Variants in AOPEP observed in about 807,000 individuals in gnomAD.
AOPEP encodes the protein aminopeptidase O (putative), also known as aminopeptidase O.
AOPEP carries 77 observed loss-of-function variants against 98.1 expected under a neutral mutation model. That is an observed-to-expected ratio of 0.78 (90% CI 0.65 to 0.95). AOPEP has a LOEUF of 0.95. Among genes scored for constraint, AOPEP ranks in the 40% least tolerant of loss-of-function variants. The probability of loss-of-function intolerance (pLI) is 0.00; values close to 1 mark genes in which losing one functional copy is unlikely to be tolerated. For missense variants in AOPEP, 1,024 were observed against 1,024.7 expected (o/e 1.00, Z 0.01); for synonymous variants, 346 against 365.3 (o/e 0.95, Z 0.60).
chr9:95,026,417 T>C (rs551255677), intron 13 of AOPEP, among the ~76,000 whole-genome samples: 96 of 152,370 alleles, frequency 6.3e-4, no homozygotes, highest in African/African-American at 2.2e-3. Context: ...ATTTGCAGTT[T>C]CTGGACATTT....
intron 1 of AOPEP, among the ~76,000 whole-genome samples, chr9:94,742,885 G>A (rs777023718): frequency 2.0e-5 from 3 of 151,940 alleles, no homozygotes; most frequent in East Asian, 1.9e-4. Context: ...AAAAATAACC[G>A]CAGATTGTTG....
chr9:95,012,987 T>TTGGG (rs763512878), intron 13 of AOPEP, among the ~76,000 whole-genome samples: 1 of 62,688 alleles, frequency 1.6e-5, no homozygotes, highest in Non-Finnish European at 3.1e-5. Context: ...GTTTTTTTTT[T>TTGGG]GGGGGGGGGG....
chr9:94,818,058 C>T (rs1852092415), intron 5 of AOPEP, among the ~76,000 whole-genome samples: 1 of 152,120 alleles, frequency 6.6e-6, no homozygotes, highest in East Asian at 1.9e-4. Flanking sequence ...GACCTGCCAC[C>T]TCTGCTTGTC....
the AOPEP span, chr9:95,114,515 G>T: frequency 2.1e-6 from 2 of 938,274 alleles, no homozygotes; most frequent in Non-Finnish European, 3.5e-6. Flanking sequence ...TCACCTGTTT[G>T]GTGATGGTCC....
intron 5 of AOPEP, among the ~76,000 whole-genome samples, chr9:94,922,013 C>G (rs1036371556): frequency 9.2e-5 from 14 of 151,934 alleles, no homozygotes; most frequent in Admixed American, 6.6e-5. Context: ...GGACTGAGGC[C>G]GGGGTCGTGT....
At chr9:94,893,029 G>A (rs550567260) in intron 5 of AOPEP, among the ~76,000 whole-genome samples, 2 of 152,258 alleles carry the variant, frequency 1.3e-5, no homozygotes, top group African/African-American at 4.8e-5. Flanking sequence ...GCCTCTCTCT[G>A]CTTTGTATAA....
intron 5 of AOPEP, among the ~76,000 whole-genome samples, chr9:94,843,664 A>T (rs1398842046): frequency 6.6e-6 from 1 of 152,198 alleles, no homozygotes; most frequent in Non-Finnish European, 1.5e-5. Context: ...AGTGGATATT[A>T]AACTCATTCC....
chr9:95,150,127 C>G, the AOPEP span: 10 of 1,609,234 alleles, frequency 6.2e-6, no homozygotes, highest in African/African-American at 1.2e-4. Context: ...AATCTAAGAG[C>G]CATGCATAAT....
At chr9:95,053,709 TG>T (rs1274106609) in intron 13 of AOPEP, among the ~76,000 whole-genome samples, 6 of 9,656 alleles carry the variant, frequency 6.2e-4, no homozygotes, top group Non-Finnish European at 4.7e-3. Flanking sequence ...AATTCATTTT[TG>T]TTGTTGTTGT....
intron 11 of AOPEP, among the ~76,000 whole-genome samples, chr9:94,999,513 ACTAT>A (rs1564502047): frequency 6.6e-6 from 1 of 152,202 alleles, no homozygotes; most frequent in Non-Finnish European, 1.5e-5. Context: ...ACAGAAAATT[ACTAT>A]CTAATGGAAT....
At chr9:95,102,844 T>C in the AOPEP span, among the ~76,000 whole-genome samples, 8 of 152,158 alleles carry the variant, frequency 5.3e-5, no homozygotes, top group East Asian at 1.4e-3. Context: ...AACGACGTGG[T>C]GTGGACCATG....
chr9:94,882,867 G>A (rs1157765653), intron 5 of AOPEP, among the ~76,000 whole-genome samples: 2 of 152,124 alleles, frequency 1.3e-5, no homozygotes, highest in Admixed American at 6.6e-5. Flanking sequence ...AGGTTAACCC[G>A]TTTTTCCAAA....
chr9:95,006,509 G>T (rs1167669043), intron 13 of AOPEP, among the ~76,000 whole-genome samples: 1 of 152,158 alleles, frequency 6.6e-6, no homozygotes, highest in Non-Finnish European at 1.5e-5. Flanking sequence ...TGTGCACAAA[G>T]CACATCAGAA....
At chr9:95,045,105 C>T (rs1292747418) in intron 13 of AOPEP, among the ~76,000 whole-genome samples, 2 of 152,230 alleles carry the variant, frequency 1.3e-5, no homozygotes, top group East Asian at 1.9e-4. Flanking sequence ...AGCGCTTGTG[C>T]CCAAGGTCAC....
chr9:94,901,918 G>T (rs955831779), intron 5 of AOPEP, among the ~76,000 whole-genome samples: 1 of 151,924 alleles, frequency 6.6e-6, no homozygotes, highest in Admixed American at 6.6e-5. Flanking sequence ...CAAAAAAAAA[G>T]AAAAGAAAAG....
At chr9:94,810,916 AT>A (rs1850432044) in intron 5 of AOPEP, among the ~76,000 whole-genome samples, 4 of 151,990 alleles carry the variant, frequency 2.6e-5, no homozygotes, top group African/African-American at 4.8e-5. Flanking sequence ...GAAAAGCATC[AT>A]TTTCAAATAC....
intron 5 of AOPEP, among the ~76,000 whole-genome samples, chr9:94,867,270 G>A (rs897651708): frequency 2.0e-5 from 3 of 152,160 alleles, no homozygotes; most frequent in Admixed American, 2.0e-4. Flanking sequence ...CAGAAGATTT[G>A]CATTTATCCC....
At chr9:95,127,675 A>G in the AOPEP span, among the ~76,000 whole-genome samples, 1 of 152,230 alleles carries the variant, frequency 6.6e-6, no homozygotes, top group Non-Finnish European at 1.5e-5. Flanking sequence ...TGCATTTGAT[A>G]TGACTAGCTT....
intron 13 of AOPEP, among the ~76,000 whole-genome samples, chr9:95,031,436 G>A (rs906216360): frequency 1.1e-4 from 17 of 152,162 alleles, no homozygotes; most frequent in Non-Finnish European, 2.9e-5. Flanking sequence ...AGAACACGAC[G>A]TCATCTAGGT....
Sources: gnomAD v4.1 joint callset for allele counts (sites outside exome capture counted in the v4.1 genomes callset) on GRCh38, gnomAD v4.1.1 for gene constraint, MANE v1.5 for transcripts, NCBI Gene and HGNC (gene_info 2026-07-23, HGNC 2026-07-21) for gene names.